The following FXR1 variants were observed in gnomAD, a reference collection of about 807,000 sequenced individuals.
The protein encoded by FXR1 is FMR1 autosomal homolog 1.
A neutral mutation model predicts 84.0 loss-of-function variants in FXR1; 15 were observed. That is an observed-to-expected ratio of 0.18 (90% CI 0.12 to 0.27). FXR1 has a LOEUF of 0.27. Ranked by LOEUF, FXR1 falls within the 10% of genes least tolerant of loss-of-function variation. The pLI is 1.00. For synonymous variants in FXR1, 245 were observed against 250.7 expected, an observed-to-expected ratio of 0.98 and a Z score of 0.21; for missense variants, 480 against 774.4, an observed-to-expected ratio of 0.62 and a Z score of 4.51.
Position 180,959,076 on chromosome 3 carries a change from G to C in FXR1, c.990+1148G>C, listed in dbSNP as rs1032050754. On this transcript the variant is annotated intron_variant, in intron 10 of 16. Transcript: ENST00000357559. ...CTGCCTCCACCTCCCAAAGTGCTGG[G>C]ATTACGGGCGTGAGCCACCGTGCCC... 2.0e-5 allele frequency among the ~76,000 whole-genome samples: 3 copies of C among 151,862 alleles called. No homozygotes were observed. In the East Asian group the frequency reaches 5.8e-4, roughly 30 times the overall value.
chr3:180,919,645 T>C (rs890172364), intron 1 of FXR1, among the ~76,000 whole-genome samples: 1 of 151,716 alleles, frequency 6.6e-6, no homozygotes, highest in African/African-American at 2.4e-5. Flanking sequence ...TTAAATAATA[T>C]TGAAATTAAT....
intron 1 of FXR1, among the ~76,000 whole-genome samples, chr3:180,924,429 G>A (rs1718935016): frequency 6.6e-6 from 1 of 152,158 alleles, no homozygotes; most frequent in Admixed American, 6.5e-5. Flanking sequence ...AAAAAAGATT[G>A]TTTGCTGTGT....
intron 3 of FXR1, among the ~76,000 whole-genome samples, chr3:180,946,675 G>T (rs910965017): frequency 1.3e-5 from 2 of 152,092 alleles, no homozygotes; most frequent in Admixed American, 1.3e-4. Context: ...GTAGGTTTTG[G>T]TTTATTCATT....
intron 8 of FXR1, 104 bp from the exon 9 acceptor site, chr3:180,953,658 C>T (rs1454249118): frequency 6.1e-6 from 4 of 652,190 alleles, no homozygotes; most frequent in Admixed American, 5.4e-5. Flanking sequence ...TTTAGTAGAA[C>T]ATAATCATTC....
intron 1 of FXR1, among the ~76,000 whole-genome samples, chr3:180,923,138 C>T (rs1408851432): frequency 6.6e-6 from 1 of 152,106 alleles, no homozygotes. Context: ...GGCAGTTATG[C>T]TAGTGCCATG....
intron 1 of FXR1, chr3:180,914,864 G>A (rs1717690748): frequency 1.0e-6 from 1 of 984,008 alleles, no homozygotes; most frequent in African/African-American, 1.7e-5. Flanking sequence ...TGAACATTTG[G>A]AATTTTATGT....
intron 16 of FXR1, 109 bp from the exon 17 acceptor site, chr3:180,976,013 T>TC: frequency 2.7e-6 from 2 of 739,596 alleles, no homozygotes; most frequent in South Asian, 3.9e-5. Flanking sequence ...CATTGTGGTA[T>TC]ATAAAACTGA....
At chr3:180,954,258 CAG>C (rs1722519615) in intron 9 of FXR1, among the ~76,000 whole-genome samples, 1 of 152,076 alleles carries the variant, frequency 6.6e-6, no homozygotes, top group Admixed American at 6.5e-5. Context: ...AGAAAAATAA[CAG>C]TGAACTAACA....
intron 3 of FXR1, among the ~76,000 whole-genome samples, chr3:180,940,379 T>C (rs913910861): frequency 2.6e-5 from 4 of 152,162 alleles, no homozygotes; most frequent in African/African-American, 9.7e-5. Flanking sequence ...TTCGTTTACA[T>C]TGGGTATCTA....
intron 7 of FXR1, 61 bp downstream of exon 7, chr3:180,949,404 G>T (rs1721992997): frequency 2.3e-6 from 2 of 859,700 alleles, no homozygotes; most frequent in Non-Finnish European, 2.0e-6. Flanking sequence ...TTTGTTTTTT[G>T]GAGACAGATT....
At chr3:180,974,480 A>T (rs529310876) in intron 15 of FXR1, among the ~76,000 whole-genome samples, 2 of 152,180 alleles carry the variant, frequency 1.3e-5, no homozygotes, top group Admixed American at 6.5e-5. Flanking sequence ...GTTGATGTAT[A>T]AAGTGAGTCA....
intron 3 of FXR1, among the ~76,000 whole-genome samples, chr3:180,939,525 AG>A (rs770278242): frequency 9.9e-5 from 15 of 152,194 alleles, no homozygotes; most frequent in Non-Finnish European, 1.6e-4. Context: ...GGGCTTGGAA[AG>A]TAGAGCTTCC....
intron 1 of FXR1, among the ~76,000 whole-genome samples, chr3:180,917,712 G>C (rs1718067657): frequency 6.6e-6 from 1 of 152,194 alleles, no homozygotes; most frequent in Admixed American, 6.5e-5. Context: ...ACTTTGTGGG[G>C]CTGAGGTGCG....
At chr3:180,944,142 A>C (rs936137767) in intron 3 of FXR1, among the ~76,000 whole-genome samples, 1 of 151,558 alleles carries the variant, frequency 6.6e-6, no homozygotes, top group Non-Finnish European at 1.5e-5. Context: ...CGAACTCCTG[A>C]CCTCAGGTGA....
intron 1 of FXR1, among the ~76,000 whole-genome samples, chr3:180,926,506 A>ATATATATATATATATATAT (rs72192827): frequency 3.2e-4 from 40 of 124,360 alleles, no homozygotes; most frequent in Middle Eastern, 4.2e-3. Flanking sequence ...ATATATATAT[A>ATATATATATATATATATAT]TTTTTTTTTC....
rs1190286371 is a variant in FXR1 at position 180,978,001 on chromosome 3, ATAT to A, written c.*1710_*1712del. 1 of 151,968 alleles carries A rather than the reference ATAT, an allele frequency of 6.6e-6. No homozygotes were observed. Among genetic ancestry groups the A allele is most frequent in the Non-Finnish European group, 1.5e-5 (1 of 67,964 alleles). 9.4% of individuals were successfully genotyped at this position (151,968 alleles called of 1,614,324 possible). A position where few individuals can be genotyped will look rare whatever the true frequency, so the allele number is the denominator to read the frequency against. On this transcript the variant is annotated 3_prime_UTR_variant, in exon 17 of 17. Transcript: ENST00000357559. The stretch of plus-strand genomic sequence containing the variant: ...GAGTAGTGCAACTCCTGTCCTTTAT[ATAT>A]AAAGATATCAAGTAATTTCATGTCC...
At chr3:180,954,845 AAAAAT>A (rs1162793402) in intron 9 of FXR1, among the ~76,000 whole-genome samples, 1 of 151,102 alleles carries the variant, frequency 6.6e-6, no homozygotes, top group African/African-American at 2.4e-5. Flanking sequence ...ACGTTAATAG[AAAAAT>A]AAATACTTCC....
At position 180,980,993 on chromosome 3, in the gene FXR1, T is replaced by C. The variant is rs182639763; in HGVS notation, c.*4701T>C. 6.6e-6 allele frequency: 1 copy of C among 152,128 alleles called. No homozygotes were observed. The highest frequency in any genetic ancestry group is 2.4e-5 in the African/African-American group (1 of 41,548). 9.4% of individuals were successfully genotyped at this position (152,128 alleles called of 1,614,324 possible). The stretch of plus-strand genomic sequence containing the variant: ...TGTTTTTTTAAGCTTAGTCTGTTCT[T>C]TGACATTGTTGATTCATGTTCTAAA... On this transcript the variant is annotated 3_prime_UTR_variant, in exon 17 of 17. Transcript: ENST00000357559.
At chr3:180,959,085 C>T (rs991631059) in intron 10 of FXR1, among the ~76,000 whole-genome samples, 12 of 151,976 alleles carry the variant, frequency 7.9e-5, no homozygotes, top group African/African-American at 2.9e-4. Context: ...GGATTACGGG[C>T]GTGAGCCACC....
Sources: gnomAD v4.1 joint callset for allele counts (sites outside exome capture counted in the v4.1 genomes callset) on GRCh38, gnomAD v4.1.1 for gene constraint, MANE v1.5 for transcripts, NCBI Gene and HGNC (gene_info 2026-07-23, HGNC 2026-07-21) for gene names.